The following WDR20 variants were observed in gnomAD, a reference collection of about 807,000 sequenced individuals.
WDR20 encodes the protein WD repeat-containing protein 20.
In WDR20, 3 loss-of-function variants were observed where a neutral mutation model predicts 38.7. The ratio of observed to expected loss-of-function variants is 0.08; its 90% CI spans 0.04 to 0.20. WDR20 has a LOEUF of 0.20. Ranked by LOEUF, WDR20 falls within the 10% of genes least tolerant of loss-of-function variation. The pLI, the probability that WDR20 is intolerant of heterozygous loss-of-function variation, is 1.00. For missense variants in WDR20, 559 were observed against 727.7 expected (o/e 0.77, Z 2.67); for synonymous variants, 298 against 285.6 (o/e 1.04, Z -0.44).
At chr14:102,190,621 G>T (rs550909366) in intron 1 of WDR20, among the ~76,000 whole-genome samples, 1 of 152,142 alleles carries the variant, frequency 6.6e-6, no homozygotes, top group East Asian at 1.9e-4. Flanking sequence ...CTAGACAGAA[G>T]GTGATATTGC....
At chr14:102,200,463 T>G (rs879357932) in intron 2 of WDR20, among the ~76,000 whole-genome samples, 6,206 of 99,494 alleles carry the variant, frequency 0.062, 170 homozygotes, top group Non-Finnish European at 0.079. Flanking sequence ...TTAAATTTTT[T>G]TTTTTGTGTG....
At chr14:102,197,281 T>C (rs1010279823) in intron 2 of WDR20, among the ~76,000 whole-genome samples, 1 of 152,214 alleles carries the variant, frequency 6.6e-6, no homozygotes, top group Non-Finnish European at 1.5e-5. Context: ...AGATGAGCTC[T>C]TGCCCTTCCG....
At chr14:102,152,885 CA>C (rs753081463) in intron 1 of WDR20, among the ~76,000 whole-genome samples, 1 of 152,168 alleles carries the variant, frequency 6.6e-6, no homozygotes, top group Non-Finnish European at 1.5e-5. Context: ...ACCCTAGAAC[CA>C]GAGTGCTTAA....
intron 2 of WDR20, among the ~76,000 whole-genome samples, chr14:102,200,465 T>TGTGTGTGTGTGTG (rs1555400497): frequency 3.0e-5 from 3 of 98,626 alleles, no homozygotes; most frequent in African/African-American, 1.6e-4. Flanking sequence ...AAATTTTTTT[T>TGTGTGTGTGTGTG]TTTGTGTGTG....
chr14:102,152,026 G>A (rs142533007), intron 1 of WDR20, among the ~76,000 whole-genome samples: 1 of 152,010 alleles, frequency 6.6e-6, no homozygotes, highest in Non-Finnish European at 1.5e-5. Flanking sequence ...GGATCAAGGG[G>A]TCTTCCCACT....
chr14:102,192,387 C>A (rs1018241440), intron 1 of WDR20, among the ~76,000 whole-genome samples: 5 of 152,154 alleles, frequency 3.3e-5, no homozygotes, highest in Non-Finnish European at 7.4e-5. Flanking sequence ...TCATATTGGT[C>A]AGGCTGGTCT....
intron 1 of WDR20, among the ~76,000 whole-genome samples, chr14:102,161,468 T>A (rs1281155029): frequency 6.6e-6 from 1 of 151,816 alleles, no homozygotes; most frequent in African/African-American, 2.4e-5. Flanking sequence ...CTCGAGCCAC[T>A]GTGCTCGTTT....
intron 1 of WDR20, among the ~76,000 whole-genome samples, chr14:102,143,364 T>C (rs150700803): frequency 7.8e-4 from 80 of 102,492 alleles, no homozygotes; most frequent in African/African-American, 2.3e-3. Context: ...TGAGGAGATG[T>C]AGTTTTGCAA....
chr14:102,217,741 G>C (rs765871510), downstream of WDR20, among the ~76,000 whole-genome samples: 116 of 152,370 alleles, frequency 7.6e-4, no homozygotes, highest in Middle Eastern at 3.4e-3. Context: ...GGTCTGTGTA[G>C]TGAGAATGGT....
downstream of WDR20, chr14:102,213,672 C>T (rs769856850): frequency 2.0e-6 from 2 of 985,362 alleles, no homozygotes; most frequent in African/African-American, 3.5e-5. Flanking sequence ...GCAGCCATTT[C>T]TCCCCAGTTC....
At chr14:102,156,619 C>A (rs2057459449) in intron 1 of WDR20, among the ~76,000 whole-genome samples, 1 of 151,834 alleles carries the variant, frequency 6.6e-6, no homozygotes, top group Admixed American at 6.6e-5. Flanking sequence ...AGTGACCCTT[C>A]TGCTCTGGCC....
chr14:102,163,315 C>T (rs2059130876), intron 1 of WDR20, among the ~76,000 whole-genome samples: 1 of 152,066 alleles, frequency 6.6e-6, no homozygotes, highest in East Asian at 1.9e-4. Flanking sequence ...AACCGTGAGC[C>T]AAATAAACTT....
At chr14:102,167,870 G>A (rs953973277) in intron 1 of WDR20, among the ~76,000 whole-genome samples, 1 of 152,130 alleles carries the variant, frequency 6.6e-6, no homozygotes, top group Non-Finnish European at 1.5e-5. Flanking sequence ...TGCATTATAG[G>A]TACTTCATAA....
intron 2 of WDR20, among the ~76,000 whole-genome samples, chr14:102,200,350 G>A (rs937324885): frequency 6.6e-6 from 1 of 152,134 alleles, no homozygotes; most frequent in Admixed American, 6.5e-5. Context: ...CTCCCAGATC[G>A]TGGAGCGTGT....
intron 1 of WDR20, among the ~76,000 whole-genome samples, chr14:102,160,758 C>T (rs1181535354): frequency 6.6e-6 from 1 of 151,090 alleles, no homozygotes; most frequent in African/African-American, 2.4e-5. Flanking sequence ...CTGGCTAACA[C>T]GGTGAAACCC....
upstream of WDR20, chr14:102,139,798 T>G (rs1401314193): frequency 1.4e-6 from 2 of 1,418,940 alleles, no homozygotes; most frequent in African/African-American, 1.4e-5. Context: ...CTCGCAGGGC[T>G]GGCCCGCGGG....
chr14:102,142,176 G>T (rs1346745066), intron 1 of WDR20, among the ~76,000 whole-genome samples: 1 of 152,144 alleles, frequency 6.6e-6, no homozygotes, highest in African/African-American at 2.4e-5. Context: ...GTGTTTTAAC[G>T]CTTTTTGGGT....
rs757594643 is a variant in WDR20 at position 102,209,433 on chromosome 14, C to G, written c.1263C>G (p.Pro421=). ...AGSNGNSVTT[P]GNSVPPPLPR... ...GCAATGGGAACAGTGTTACAACACC[C>G]GGGAACTCTGTGCCGCCTCCTCTGC... Residue 421 remains proline, a synonymous_variant, in exon 3 of 3, where the codon CCC becomes CCG. Transcript: ENST00000342702. This position sits in a 1 kb window ranked among gnomAD's most constrained non-coding sequence, Gnocchi z 6.0. The G allele has an allele frequency of 6.2e-7, 1 of 1,614,140 alleles. No individual in the cohort carries two copies. The highest frequency in any genetic ancestry group is 8.5e-7 in the Non-Finnish European group (1 of 1,180,042).
intron 1 of WDR20, among the ~76,000 whole-genome samples, chr14:102,171,859 G>A (rs183654676): frequency 3.5e-4 from 53 of 151,252 alleles, no homozygotes; most frequent in Non-Finnish European, 6.2e-4. Flanking sequence ...TAATGCTAAC[G>A]AAATAGGGAT....
Sources: gnomAD v4.1 joint callset for allele counts (sites outside exome capture counted in the v4.1 genomes callset) on GRCh38, gnomAD v4.1.1 for gene constraint, Gnocchi (gnomAD v3.1) non-coding constraint, MANE v1.5 for transcripts, NCBI Gene and HGNC (gene_info 2026-07-23, HGNC 2026-07-21) for gene names.